KIAA1217: variants seen among roughly 807,000 people sequenced by gnomAD.
KIAA1217 encodes the protein KIAA1217.
Under a neutral mutation model 163.9 loss-of-function variants are expected in KIAA1217, and 88 were observed. That is an observed-to-expected ratio of 0.54 (90% CI 0.45 to 0.64). The LOEUF is 0.64. KIAA1217 is among the 30% of genes least tolerant of loss of function. The pLI is 0.00. For synonymous variants in KIAA1217, 903 were observed against 923.1 expected (o/e 0.98, Z 0.39); for missense variants, 2,372 against 2,475.0 (o/e 0.96, Z 0.88).
intron 2 of KIAA1217, among the ~76,000 whole-genome samples, chr10:24,152,174 C>T (rs1564761815): frequency 6.6e-6 from 1 of 152,134 alleles, no homozygotes; most frequent in African/African-American, 2.4e-5. Context: ...TGTAGCTCAG[C>T]ATTTAGTATT....
At chr10:23,699,571 C>T (rs968556591) in intron 1 of KIAA1217, among the ~76,000 whole-genome samples, 2 of 152,182 alleles carry the variant, frequency 1.3e-5, no homozygotes, top group Non-Finnish European at 2.9e-5. Flanking sequence ...TGTCTCTCCC[C>T]ACCTATGCAA....
At chr10:24,262,471 C>G (rs1191563414) in intron 2 of KIAA1217, among the ~76,000 whole-genome samples, 1 of 151,664 alleles carries the variant, frequency 6.6e-6, no homozygotes, top group Non-Finnish European at 1.5e-5. Context: ...ACTAAAAATA[C>G]AAAAAATTAG....
chr10:23,725,980 T>C (rs1411168818), intron 1 of KIAA1217, among the ~76,000 whole-genome samples: 1 of 151,948 alleles, frequency 6.6e-6, no homozygotes, highest in Admixed American at 6.6e-5. Context: ...TTGAAAACTA[T>C]GCTTTATGAT....
intron 2 of KIAA1217, among the ~76,000 whole-genome samples, chr10:24,127,120 A>G (rs1006722445): frequency 2.6e-5 from 4 of 152,208 alleles, no homozygotes; most frequent in African/African-American, 9.6e-5. Context: ...CTTTTGACCT[A>G]AAACAAATCA....
intron 1 of KIAA1217, among the ~76,000 whole-genome samples, chr10:23,934,378 T>A (rs1843384144): frequency 6.9e-6 from 1 of 144,014 alleles, no homozygotes; most frequent in Admixed American, 7.1e-5. Flanking sequence ...TAGGGCCTGT[T>A]GGGGGGTGAG....
chr10:24,137,843 A>G (rs2063893205), intron 2 of KIAA1217, among the ~76,000 whole-genome samples: 1 of 152,222 alleles, frequency 6.6e-6, no homozygotes, highest in South Asian at 2.1e-4. Context: ...TTTTCTATGC[A>G]TGCTCTTAAA....
intron 2 of KIAA1217, among the ~76,000 whole-genome samples, chr10:24,301,515 C>T (rs544147986): frequency 4.1e-4 from 62 of 152,286 alleles, no homozygotes; most frequent in Admixed American, 1.2e-3. Context: ...GGGCCCCACG[C>T]ACCTTCTAAC....
chr10:23,801,505 A>G (rs1836466480), intron 1 of KIAA1217, among the ~76,000 whole-genome samples: 1 of 152,182 alleles, frequency 6.6e-6, no homozygotes, highest in African/African-American at 2.4e-5. Context: ...CATGGTCCAA[A>G]TCAAAACTCC....
intron 2 of KIAA1217, among the ~76,000 whole-genome samples, chr10:24,009,784 C>A (rs1300587635): frequency 3.3e-5 from 5 of 152,162 alleles, no homozygotes; most frequent in Non-Finnish European, 7.3e-5. Context: ...ATATTTCTGG[C>A]TCTTGACACT....
intron 3 of KIAA1217, among the ~76,000 whole-genome samples, chr10:24,382,844 C>CT (rs1161576107): frequency 0.015 from 650 of 44,380 alleles, 4 homozygotes; most frequent in Non-Finnish European, 0.02. Flanking sequence ...TTTTTCTTTT[C>CT]TTTTTTTTTT....
intron 3 of KIAA1217, among the ~76,000 whole-genome samples, chr10:24,395,920 T>A (rs528109170): frequency 6.6e-6 from 1 of 152,228 alleles, no homozygotes; most frequent in Non-Finnish European, 1.5e-5. Context: ...GGTGGTCATC[T>A]ACCTCAGCCT....
chr10:24,086,260 C>A (rs908107661), intron 2 of KIAA1217, among the ~76,000 whole-genome samples: 2 of 152,200 alleles, frequency 1.3e-5, no homozygotes, highest in Admixed American at 1.3e-4. Flanking sequence ...GTCAGCTCTG[C>A]CTTCAGCAGT....
At chr10:23,726,327 A>G (rs1838132059) in intron 1 of KIAA1217, among the ~76,000 whole-genome samples, 1 of 150,480 alleles carries the variant, frequency 6.6e-6, no homozygotes, top group Admixed American at 6.6e-5. Flanking sequence ...TAGACAAATC[A>G]TATTTTTTAT....
At chr10:23,714,521 A>G (rs987620738) in intron 1 of KIAA1217, among the ~76,000 whole-genome samples, 17 of 152,078 alleles carry the variant, frequency 1.1e-4, no homozygotes, top group Non-Finnish European at 4.4e-5. Flanking sequence ...GACTTTCCTG[A>G]ATACGCTATG....
At chr10:24,132,581 G>A (rs1190513433) in intron 2 of KIAA1217, among the ~76,000 whole-genome samples, 1 of 151,400 alleles carries the variant, frequency 6.6e-6, no homozygotes, top group Non-Finnish European at 1.5e-5. Flanking sequence ...GCTGTGCACC[G>A]GGATGTTAAA....
intron 1 of KIAA1217, among the ~76,000 whole-genome samples, chr10:23,736,668 A>G (rs1838822112): frequency 6.6e-6 from 1 of 152,104 alleles, no homozygotes; most frequent in Non-Finnish European, 1.5e-5. Flanking sequence ...GACCACAGGG[A>G]CATACCACCA....
At chr10:23,821,104 C>CGTGTGT (rs3072739) in intron 1 of KIAA1217, among the ~76,000 whole-genome samples, 5,868 of 143,182 alleles carry the variant, frequency 0.041, 371 homozygotes, top group African/African-American at 0.14. Flanking sequence ...TGTGTGTGTG[C>CGTGTGT]GTGTGTGTGT....
chr10:24,487,205 G>T (rs558900040), intron 6 of KIAA1217, among the ~76,000 whole-genome samples: 3 of 152,198 alleles, frequency 2.0e-5, no homozygotes, highest in Admixed American at 2.0e-4. Context: ...TTGTTCTTCC[G>T]CAGCCTATTG....
At chr10:24,222,699 G>A (rs538044322) in intron 2 of KIAA1217, among the ~76,000 whole-genome samples, 22 of 152,120 alleles carry the variant, frequency 1.4e-4, no homozygotes, top group Non-Finnish European at 4.4e-5. Flanking sequence ...TAGTAGAGAC[G>A]GTGTTTTACC....
Sources: gnomAD v4.1 joint callset for allele counts (sites outside exome capture counted in the v4.1 genomes callset) on GRCh38, gnomAD v4.1.1 for gene constraint, MANE v1.5 for transcripts, NCBI Gene and HGNC (gene_info 2026-07-23, HGNC 2026-07-21) for gene names.